Variants in SHB observed in about 807,000 individuals in gnomAD.
SHB encodes SH2 domain-containing adapter protein B.
A neutral mutation model predicts 52.3 loss-of-function variants in SHB; 20 were observed. That is an observed-to-expected ratio of 0.38 (90% CI 0.27 to 0.56). The LOEUF is 0.56. Among genes scored for constraint, SHB ranks in the 20% least tolerant of loss-of-function variants. SHB has a pLI of 0.71. For synonymous variants in SHB, 397 were observed against 316.5 expected (o/e 1.25, Z -2.70); for missense variants, 825 against 723.3 (o/e 1.14, Z -1.61).
At chr9:37,972,798 G>A (rs1324283085) in intron 3 of SHB, among the ~76,000 whole-genome samples, 3 of 152,170 alleles carry the variant, frequency 2.0e-5, no homozygotes, top group Admixed American at 1.3e-4. Context: ...GGCTAGAACA[G>A]CAATTAAGGG....
chr9:38,014,209 G>A lies in SHB; in HGVS notation c.838+1802C>T, dbSNP rs1821181060. ...TAAAATGAGGCTGTTAGGTTTAGAT[G>A]ACCTCAATGATCCCTCCCCACCCTG... On this transcript the variant is annotated intron_variant, in intron 2 of 5. Transcript: ENST00000377707. 2.0e-5 allele frequency among the ~76,000 whole-genome samples: 3 copies of A among 151,806 alleles called. No individual in the cohort carries two copies. The South Asian group carries it at 6.3e-4, about 32-fold the overall frequency.
intron 2 of SHB, chr9:38,015,279 A>C: frequency 1.6e-6 from 1 of 607,514 alleles, no homozygotes; most frequent in Non-Finnish European, 2.9e-6. Context: ...AATCCTGCCT[A>C]CAAGATGACT....
At chr9:38,062,104 T>C (rs961577260) in intron 1 of SHB, among the ~76,000 whole-genome samples, 5 of 152,094 alleles carry the variant, frequency 3.3e-5, no homozygotes, top group African/African-American at 1.2e-4. Context: ...TAGCATTAAG[T>C]AAAGGGGAGG....
rs78473842 is a variant in SHB at position 38,043,091 on chromosome 9, T to A, written c.717+24838A>T. 2.4e-3 allele frequency among the ~76,000 whole-genome samples: 367 copies of A among 152,278 alleles called. 10 individuals are homozygous for A. In the East Asian group the frequency reaches 0.049, roughly 20 times the overall value. ...CCTAGAGTACATTTCATTCTTCCCC[T>A]ACCCAGTGTTCAAGCCCAGACCAAA... is the stretch of plus-strand genomic sequence containing the variant. On this transcript the variant is annotated intron_variant, in intron 1 of 5. Transcript: ENST00000377707.
At chr9:37,950,186 C>T (rs1295326201) in intron 4 of SHB, among the ~76,000 whole-genome samples, 1 of 152,196 alleles carries the variant, frequency 6.6e-6, no homozygotes, top group Non-Finnish European at 1.5e-5. Context: ...GATCCTCCCA[C>T]CCCACCTCCC....
rs1360329815 is a variant in SHB, at chr9:38,068,624, A to G, written c.22T>C (p.Tyr8His). The change falls in exon 1 of 6, where the codon TAC becomes CAC. Residue 8 changes from tyrosine to histidine, a missense_variant. Coordinates refer to ENST00000377707, the MANE Select transcript of SHB (RefSeq NM_003028.3). MAKWLNK[Y>H]FSLGNSKTKS... ...GTCTTGCTGTTGCCCAAGCTGAAGT[A>G]CTTGTTTAGCCACTTGGCCATGGCG... The G allele has an allele frequency of 6.8e-7, 1 of 1,481,258 alleles. No homozygotes were observed. The highest frequency in any genetic ancestry group is 8.9e-7 in the Non-Finnish European group (1 of 1,126,054). 91.8% of individuals were successfully genotyped at this position (1,481,258 alleles called of 1,614,324 possible).
chr9:37,977,530 T>A (rs1820669816), intron 2 of SHB, among the ~76,000 whole-genome samples: 1 of 152,204 alleles, frequency 6.6e-6, no homozygotes, highest in Non-Finnish European at 1.5e-5. Flanking sequence ...GGATCATTTA[T>A]TAGTTTTGAG....
chr9:38,054,328 C>T (rs1038419838), intron 1 of SHB, among the ~76,000 whole-genome samples: 57 of 152,232 alleles, frequency 3.7e-4, no homozygotes, highest in Admixed American at 8.5e-4. Flanking sequence ...CTTTCAGCCA[C>T]GCAACCTCTG....
chr9:38,000,370 A>C (rs780561642), intron 2 of SHB, among the ~76,000 whole-genome samples: 1 of 152,222 alleles, frequency 6.6e-6, no homozygotes, highest in Non-Finnish European at 1.5e-5. Context: ...GATGGGGCCT[A>C]GGAATCCGCA....
At chr9:38,064,667 C>G (rs1821938367) in intron 1 of SHB, among the ~76,000 whole-genome samples, 1 of 152,180 alleles carries the variant, frequency 6.6e-6, no homozygotes, top group Non-Finnish European at 1.5e-5. Flanking sequence ...CAATCTCCTC[C>G]AGGAGCTCAG....
At chr9:38,064,363 C>G (rs1191430963) in intron 1 of SHB, among the ~76,000 whole-genome samples, 12 of 152,212 alleles carry the variant, frequency 7.9e-5, no homozygotes, top group Non-Finnish European at 1.8e-4. Flanking sequence ...CTCTCTCACA[C>G]TGTCATCTCT....
At chr9:37,939,710 C>T (rs1041397886) in intron 5 of SHB, among the ~76,000 whole-genome samples, 17 of 152,184 alleles carry the variant, frequency 1.1e-4, no homozygotes, top group African/African-American at 4.1e-4. Context: ...GTTTCTATTC[C>T]GAGAGACCCC....
chr9:38,022,328 AGATGCGACGCGTC>A (rs912218246), intron 1 of SHB, among the ~76,000 whole-genome samples: 12 of 152,212 alleles, frequency 7.9e-5, no homozygotes, highest in Admixed American at 2.0e-4. Context: ...GCAGGTGCAC[AGATGCGACGCGTC>A]GACTGCATCG....
chr9:38,039,058 G>A (rs1184394159), intron 1 of SHB, among the ~76,000 whole-genome samples: 4 of 152,256 alleles, frequency 2.6e-5, no homozygotes, highest in African/African-American at 7.2e-5. Flanking sequence ...GCGGGCGGGC[G>A]TGACAGCCCA....
At chr9:37,948,947 T>C (rs1244763112) in intron 4 of SHB, among the ~76,000 whole-genome samples, 193 bp from the exon 5 acceptor site, 1 of 152,170 alleles carries the variant, frequency 6.6e-6, no homozygotes, top group Non-Finnish European at 1.5e-5. Flanking sequence ...AAACCCAGTC[T>C]CTTTTCACGG....
intron 5 of SHB, among the ~76,000 whole-genome samples, chr9:37,939,414 G>T (rs1564083326): frequency 1.3e-5 from 2 of 152,238 alleles, no homozygotes; most frequent in Non-Finnish European, 2.9e-5. Context: ...TAAAGTAGGA[G>T]CAATGAGTTG....
At chr9:37,957,160 C>T (rs1300925360) in intron 3 of SHB, among the ~76,000 whole-genome samples, 1 of 152,214 alleles carries the variant, frequency 6.6e-6, no homozygotes, top group East Asian at 1.9e-4. Context: ...CCAGAGCCTG[C>T]AGAGGAAGGT....
At chr9:38,033,746 TCA>T (rs981213042) in intron 1 of SHB, among the ~76,000 whole-genome samples, 2 of 152,064 alleles carry the variant, frequency 1.3e-5, no homozygotes, top group African/African-American at 4.8e-5. Flanking sequence ...TCCATAACTC[TCA>T]GTCTTATGGA....
intron 5 of SHB, among the ~76,000 whole-genome samples, chr9:37,932,793 T>C (rs554237487): frequency 6.6e-6 from 1 of 152,254 alleles, no homozygotes; most frequent in East Asian, 1.9e-4. Flanking sequence ...TTTAAAACTT[T>C]TTATAGTAAT....
Sources: gnomAD v4.1 joint callset for allele counts (sites outside exome capture counted in the v4.1 genomes callset) on GRCh38, gnomAD v4.1.1 for gene constraint, MANE v1.5 for transcripts, NCBI Gene and HGNC (gene_info 2026-07-23, HGNC 2026-07-21) for gene names.